The following ANO3 variants were observed in gnomAD, a reference collection of about 807,000 sequenced individuals.
The protein encoded by ANO3 is anoctamin-3.
A neutral mutation model predicts 144.8 loss-of-function variants in ANO3; 99 were observed. The ratio of observed to expected loss-of-function variants is 0.68; its 90% CI spans 0.58 to 0.81. The LOEUF (loss-of-function observed/expected upper bound fraction) is 0.81, where lower values mean the gene tolerates loss of function less well. Ranked by LOEUF, ANO3 falls within the 30% of genes least tolerant of loss-of-function variation. The pLI, the probability that ANO3 is intolerant of heterozygous loss-of-function variation, is 0.00. For missense variants in ANO3, 905 were observed against 1,202.2 expected (o/e 0.75, Z 3.66); for synonymous variants, 414 against 392.6 (o/e 1.05, Z -0.64).
intron 1 of ANO3, among the ~76,000 whole-genome samples, chr11:26,391,056 C>G (rs1856864959): frequency 6.6e-6 from 1 of 152,100 alleles, no homozygotes. Flanking sequence ...TGCCAACTGT[C>G]TTAGTTCATT....
At chr11:26,599,784 T>G in intron 17 of ANO3, 70 bp downstream of exon 17, 1 of 1,396,340 alleles carries the variant, frequency 7.2e-7, no homozygotes, top group Non-Finnish European at 9.6e-7. Flanking sequence ...TATGTTTCCT[T>G]TATATTTGAA....
At chr11:26,326,707 T>C (rs1406578605) in intron 1 of ANO3, among the ~76,000 whole-genome samples, 1 of 152,162 alleles carries the variant, frequency 6.6e-6, no homozygotes, top group Non-Finnish European at 1.5e-5. Flanking sequence ...CATTTCCATC[T>C]TTCTACAAAC....
intron 1 of ANO3, chr11:26,208,289 A>T (rs1205847472): frequency 1.3e-5 from 2 of 152,188 alleles, no homozygotes; most frequent in African/African-American, 4.8e-5. Flanking sequence ...AGGCGGGAGG[A>T]TCACGAGGTC....
intron 26 of ANO3, among the ~76,000 whole-genome samples, chr11:26,659,881 A>G (rs1853824222): frequency 6.6e-6 from 1 of 152,110 alleles, no homozygotes; most frequent in African/African-American, 2.4e-5. Context: ...TTTACATGAT[A>G]TGTGTTATGA....
At chr11:26,564,735 ATAT>A (rs1850484055) in intron 14 of ANO3, among the ~76,000 whole-genome samples, 2 of 17,596 alleles carry the variant, frequency 1.1e-4, no homozygotes, top group Non-Finnish European at 2.2e-4. Context: ...ACACACACAT[ATAT>A]ATATATATAT....
chr11:26,385,822 CAT>C (rs1417211990), intron 1 of ANO3, among the ~76,000 whole-genome samples: 77 of 107,948 alleles, frequency 7.1e-4, no homozygotes, highest in African/African-American at 3.5e-3. Context: ...GTTTCACACA[CAT>C]ACACACACAC....
At chr11:26,214,427 C>T (rs929304401) in intron 1 of ANO3, among the ~76,000 whole-genome samples, 3 of 151,786 alleles carry the variant, frequency 2.0e-5, no homozygotes, top group African/African-American at 7.3e-5. Flanking sequence ...AAATTGTCCA[C>T]ATTTTAACAA....
chr11:26,263,174 T>C (rs1590222309), intron 1 of ANO3, among the ~76,000 whole-genome samples: 2 of 152,342 alleles, frequency 1.3e-5, no homozygotes, highest in Admixed American at 6.5e-5. Context: ...AGACTCTAAA[T>C]TATAGTCACA....
intron 1 of ANO3, among the ~76,000 whole-genome samples, chr11:26,390,270 A>G (rs1392647418): frequency 6.6e-6 from 1 of 152,128 alleles, no homozygotes; most frequent in Admixed American, 6.6e-5. Flanking sequence ...TTGGATAGAT[A>G]TTAAGCTCTA....
At chr11:26,597,746 G>A (rs1351220577) in intron 14 of ANO3, among the ~76,000 whole-genome samples, 1 of 152,124 alleles carries the variant, frequency 6.6e-6, no homozygotes, top group East Asian at 1.9e-4. Context: ...AATGGTGTAA[G>A]ATAGAGCCCG....
intron 14 of ANO3, among the ~76,000 whole-genome samples, chr11:26,576,413 CA>C (rs1427402147): frequency 6.6e-6 from 1 of 152,032 alleles, no homozygotes; most frequent in African/African-American, 2.4e-5. Context: ...ATTGAGGCTT[CA>C]GTGTCAGCAT....
Position 26,262,719 on chromosome 11 carries a change from A to AACACACACACACACAC in ANO3, c.155-46920_155-46905dup, listed in dbSNP as rs144643690. Among the ~76,000 whole-genome samples, 7 of 149,204 alleles carry AACACACACACACACAC rather than the reference A, an allele frequency of 4.7e-5. No individual in the cohort carries two copies. In the East Asian group the frequency reaches 5.9e-4, roughly 13 times the overall value. The stretch of plus-strand genomic sequence containing the variant: ...TAATAGGATTAGTATCCTTATAGTA[A>AACACACACACACACAC]ACACACACACACACACACACAGAGA... On this transcript the variant is annotated intron_variant, in intron 1 of 27. Coordinates refer to the ANO3 transcript ENST00000672621.
At chr11:26,346,886 C>T (rs1363536621) in intron 1 of ANO3, among the ~76,000 whole-genome samples, 1 of 152,112 alleles carries the variant, frequency 6.6e-6, no homozygotes, top group Non-Finnish European at 1.5e-5. Flanking sequence ...AAAAAAAGTG[C>T]TCTAGTGGTC....
chr11:26,386,465 C>G (rs538436280), intron 1 of ANO3, among the ~76,000 whole-genome samples: 1 of 151,968 alleles, frequency 6.6e-6, no homozygotes, highest in Admixed American at 6.6e-5. Flanking sequence ...TATTATCTCT[C>G]GACAAAAGAC....
chr11:26,598,738 C>T (rs1465311323), intron 15 of ANO3, 120 bp from the exon 16 acceptor site: 14 of 939,782 alleles, frequency 1.5e-5, no homozygotes, highest in Non-Finnish European at 2.2e-5. Context: ...TAAAAGGTTG[C>T]TTTATTGTGA....
chr11:26,199,624 A>G (rs1163297970), intron 1 of ANO3, among the ~76,000 whole-genome samples: 1 of 152,192 alleles, frequency 6.6e-6, no homozygotes, highest in East Asian at 1.9e-4. Context: ...GAAGTTGTTG[A>G]TATTAATGAC....
chr11:26,532,625 C>T (rs1300428611), intron 8 of ANO3, among the ~76,000 whole-genome samples: 1 of 152,058 alleles, frequency 6.6e-6, no homozygotes, highest in Non-Finnish European at 1.5e-5. Flanking sequence ...TCCAGCCATA[C>T]AAGCCTTGGT....
chr11:26,465,133 T>A (rs1859552298), intron 4 of ANO3, among the ~76,000 whole-genome samples: 1 of 123,488 alleles, frequency 8.1e-6, no homozygotes, highest in Non-Finnish European at 1.7e-5. Flanking sequence ...ATTGTGTGTG[T>A]GTGTGTGTGT....
Position 26,475,777 on chromosome 11 carries a change from C to A in ANO3, c.432+12629C>A, listed in dbSNP as rs1427969281. ...AATATAAAATAAAATTATCCTTGGA[C>A]TTTTCTTTCAGTAAAATGAGAGACT... On this transcript the variant is annotated intron_variant, in intron 4 of 26. Transcript: ENST00000256737. 5.3e-5 allele frequency among the ~76,000 whole-genome samples: 8 copies of A among 152,034 alleles called. No individual in the cohort carries two copies. In the South Asian group the frequency reaches 1.7e-3, roughly 31 times the overall value.
Sources: allele counts gnomAD v4.1 joint callset (sites outside exome capture counted in the v4.1 genomes callset), GRCh38; gene constraint gnomAD v4.1.1; transcripts MANE v1.5; gene names NCBI Gene and HGNC (gene_info 2026-07-23, HGNC 2026-07-21).